The following MYO1D variants were observed in gnomAD, a reference collection of about 807,000 sequenced individuals.
The protein encoded by MYO1D is unconventional myosin-Id.
A neutral mutation model predicts 122.0 loss-of-function variants in MYO1D; 83 were observed. The ratio of observed to expected loss-of-function variants is 0.68; its 90% CI spans 0.57 to 0.82. The LOEUF (loss-of-function observed/expected upper bound fraction) is 0.82. Among genes scored for constraint, MYO1D ranks in the 40% least tolerant of loss-of-function variants. MYO1D has a pLI of 0.00. For synonymous variants in MYO1D, 464 were observed against 446.9 expected (o/e 1.04, Z -0.48); for missense variants, 1,157 against 1,269.5 (o/e 0.91, Z 1.35).
rs1009997021 is a variant in MYO1D at position 32,852,221 on chromosome 17, G to A, written c.95+24557C>T. Among the ~76,000 whole-genome samples the A allele has an allele frequency of 1.5e-4, 23 of 152,098 alleles. No individual in the cohort carries two copies. The East Asian group carries it at 4.2e-3, about 28-fold the overall frequency. ...GCTCACTGCAACCTCTGCCTCCCAG[G>A]TTCCAGAGATTCTCTCACCTCAGTC... is the stretch of plus-strand genomic sequence containing the variant. On this transcript the variant is annotated intron_variant, in intron 1 of 21. Transcript: ENST00000318217.
intron 1 of MYO1D, among the ~76,000 whole-genome samples, chr17:32,867,583 GGT>G (rs1287640674): frequency 6.6e-6 from 1 of 151,748 alleles, no homozygotes; most frequent in Non-Finnish European, 1.5e-5. Flanking sequence ...GATCACCTGA[GGT>G]CAGGAGTTCG....
chr17:32,693,693 G>A (rs1263970588), intron 16 of MYO1D, among the ~76,000 whole-genome samples: 1 of 152,210 alleles, frequency 6.6e-6, no homozygotes, highest in African/African-American at 2.4e-5. Flanking sequence ...TTTCAGGAGA[G>A]CAAATCATCT....
At chr17:32,516,308 G>A (rs574231345) in intron 21 of MYO1D, among the ~76,000 whole-genome samples, 134 of 152,302 alleles carry the variant, frequency 8.8e-4, no homozygotes, top group African/African-American at 3.1e-3. Flanking sequence ...TCTTGCCCTG[G>A]AATCCCACAT....
At chr17:32,712,283 T>G in intron 15 of MYO1D, 88 bp from the exon 16 acceptor site, 1 of 1,185,764 alleles carries the variant, frequency 8.4e-7, no homozygotes, top group Non-Finnish European at 1.2e-6. Context: ...AGACACCTCA[T>G]AGAAAACCAA....
At chr17:32,512,641 C>T (rs1295880430) in intron 21 of MYO1D, among the ~76,000 whole-genome samples, 1 of 152,242 alleles carries the variant, frequency 6.6e-6, no homozygotes, top group Non-Finnish European at 1.5e-5. Flanking sequence ...TTCTCATCCT[C>T]GTGCTACTCC....
chr17:32,685,014 ATTTT>A (rs1011367877), intron 16 of MYO1D, among the ~76,000 whole-genome samples: 2 of 150,540 alleles, frequency 1.3e-5, no homozygotes, highest in African/African-American at 4.9e-5. Flanking sequence ...TCTCTTTATC[ATTTT>A]TTTTTGGAAA....
At chr17:32,552,212 A>C (rs2087022215) in intron 21 of MYO1D, among the ~76,000 whole-genome samples, 2 of 152,120 alleles carry the variant, frequency 1.3e-5, no homozygotes, top group Non-Finnish European at 2.9e-5. Context: ...AGTAGCTGGG[A>C]CTAGAGGCAC....
At chr17:32,637,922 A>G (rs1300746459) in intron 20 of MYO1D, among the ~76,000 whole-genome samples, 2 of 152,264 alleles carry the variant, frequency 1.3e-5, no homozygotes, top group East Asian at 3.9e-4. Context: ...GTAAAACAAT[A>G]TGTTTCCTAT....
intron 14 of MYO1D, chr17:32,727,728 T>G (rs745450274): frequency 3.3e-5 from 5 of 152,040 alleles, no homozygotes; most frequent in Non-Finnish European, 1.5e-5. Flanking sequence ...GTAAATGAAC[T>G]AAATGATTTA....
intron 21 of MYO1D, among the ~76,000 whole-genome samples, chr17:32,571,323 C>G (rs887213017): frequency 3.9e-5 from 6 of 152,118 alleles, no homozygotes; most frequent in African/African-American, 1.2e-4. Flanking sequence ...GTTTTTAACC[C>G]TGGCAACCCC....
rs779279939 is a variant in MYO1D at position 32,745,210 on chromosome 17, C to T, written c.1613+1G>A. On this transcript the variant is annotated splice_donor_variant, in intron 13 of 21. Coordinates refer to ENST00000318217, the MANE Select transcript of MYO1D (RefSeq NM_015194.3). LOFTEE classifies it high-confidence loss of function. ...GTTAATTAATAAAATTTCAATCTTA[C>T]CTGTTATACATAAGGCGCTTGAAAT... The T allele has an allele frequency of 6.9e-6, 10 of 1,453,796 alleles. No individual in the cohort carries two copies. Among genetic ancestry groups the T allele is most frequent in the Non-Finnish European group, 7.7e-6 (8 of 1,044,546 alleles). The allele number at this position is 1,453,796 out of a possible 1,614,324, so 90.1% of individuals were successfully genotyped here. A position where few individuals can be genotyped will look rare whatever the true frequency, so the allele number is the denominator to read the frequency against.
chr17:32,773,893 A>G (rs976240526), intron 4 of MYO1D, among the ~76,000 whole-genome samples: 12 of 151,954 alleles, frequency 7.9e-5, no homozygotes, highest in Non-Finnish European at 1.3e-4. Flanking sequence ...TCTGCTCCCA[A>G]TGCGACTTGT....
chr17:32,499,375 C>T (rs1909237129), intron 21 of MYO1D: 1 of 152,210 alleles, frequency 6.6e-6, no homozygotes, highest in East Asian at 1.9e-4. Flanking sequence ...GTTGCTCACG[C>T]CTGTAATCCC....
chr17:32,715,111 G>A (rs944681710), intron 15 of MYO1D, among the ~76,000 whole-genome samples: 1 of 152,138 alleles, frequency 6.6e-6, no homozygotes, highest in Non-Finnish European at 1.5e-5. Flanking sequence ...ACCACAATGA[G>A]ATAACATCTC....
chr17:32,714,253 T>C (rs1378462454), intron 15 of MYO1D, among the ~76,000 whole-genome samples: 1 of 149,428 alleles, frequency 6.7e-6, no homozygotes, highest in Non-Finnish European at 1.5e-5. Flanking sequence ...CCAGTGTGTG[T>C]TATTCACCCC....
At chr17:32,551,268 T>A (rs534021102) in intron 21 of MYO1D, among the ~76,000 whole-genome samples, 1 of 152,254 alleles carries the variant, frequency 6.6e-6, no homozygotes, top group South Asian at 2.1e-4. Flanking sequence ...CATGCTCAGA[T>A]CATACATTTT....
chr17:32,861,215 A>G (rs570228539), intron 1 of MYO1D, among the ~76,000 whole-genome samples: 1 of 151,624 alleles, frequency 6.6e-6, no homozygotes, highest in Non-Finnish European at 1.5e-5. Flanking sequence ...ACAGGCACCC[A>G]CCACCACACG....
At chr17:32,595,236 G>A (rs1385083847) in intron 21 of MYO1D, among the ~76,000 whole-genome samples, 1 of 152,000 alleles carries the variant, frequency 6.6e-6, no homozygotes, top group Admixed American at 6.6e-5. Flanking sequence ...AGCACTGCAG[G>A]GTGAATATAG....
rs1398751459 is a variant in MYO1D at position 32,806,270 on chromosome 17, AC to A, written c.96-25487del. ...GAGACTCTGTCTCAAAAACAAACAAACAAAAACAAAAAAAAGTAACCTTATC... is the reference window on the plus strand; with the variant it reads ...GAGACTCTGTCTCAAAAACAAACAAAAAAAACAAAAAAAAGTAACCTTATC... On this transcript the variant is annotated intron_variant, in intron 1 of 21. Coordinates refer to ENST00000318217, the MANE Select transcript of MYO1D (RefSeq NM_015194.3). Among the ~76,000 whole-genome samples the A allele has an allele frequency of 2.0e-5, 3 of 152,134 alleles. No homozygotes were observed. In the East Asian group the frequency reaches 5.8e-4, roughly 29 times the overall value.
Sources: allele counts gnomAD v4.1 joint callset (sites outside exome capture counted in the v4.1 genomes callset), GRCh38; gene constraint gnomAD v4.1.1; transcripts MANE v1.5; gene names NCBI Gene and HGNC (gene_info 2026-07-23, HGNC 2026-07-21).